SCARA5: variants seen among roughly 807,000 people sequenced by gnomAD.
The protein encoded by SCARA5 is scavenger receptor class A member 5.
Under a neutral mutation model 46.3 loss-of-function variants are expected in SCARA5, and 45 were observed. The observed-to-expected ratio is 0.97, with a 90% confidence interval of 0.76 to 1.24. The LOEUF is 1.24. Among genes scored for constraint, SCARA5 ranks in the 50% most tolerant of loss-of-function variants. The pLI, the probability that SCARA5 is intolerant of heterozygous loss-of-function variation, is 0.00. For missense variants in SCARA5, 680 were observed against 689.0 expected, an observed-to-expected ratio of 0.99 and a Z score of 0.15; for synonymous variants, 333 against 306.5, an observed-to-expected ratio of 1.09 and a Z score of -0.90.
At chr8:27,904,874 A>G (rs1420400480) in intron 6 of SCARA5, 40 bp from the exon 7 acceptor site, 9 of 1,502,840 alleles carry the variant, frequency 6.0e-6, no homozygotes, top group African/African-American at 1.4e-5. Flanking sequence ...AATGGAAAGA[A>G]ATCCTAATTG....
At chr8:27,875,202 C>A (rs751230426) in intron 8 of SCARA5, among the ~76,000 whole-genome samples, 5 of 89,800 alleles carry the variant, frequency 5.6e-5, no homozygotes, top group Non-Finnish European at 1.1e-4. Flanking sequence ...TCCCTTCACT[C>A]CTCCCTCCCT....
At position 27,921,626 on chromosome 8, in the gene SCARA5, C is replaced by A. The variant is rs771642179; in HGVS notation, c.861G>T (p.Leu287=). Residue 287 remains leucine (L), a synonymous_variant, in exon 4 of 9, where the codon CTG becomes CTT. Coordinates refer to ENST00000354914, the MANE Select transcript of SCARA5 (RefSeq NM_173833.6). Reference sequence around the variant, plus strand: ...TGGAGTGCTCCCAGTCCTTGAGGCGCAGGTCCTCGGTGACCGCGTTGAGCA... The same window carrying A: ...TGGAGTGCTCCCAGTCCTTGAGGCGAAGGTCCTCGGTGACCGCGTTGAGCA... ...LAMLNAVTED[L]RLKDWEHSIA... 2.5e-6 allele frequency: 4 copies of A among 1,598,556 alleles called. No individual in the cohort carries two copies. The highest frequency in any genetic ancestry group is 1.1e-5 in the South Asian group (1 of 88,930).
chr8:27,944,587 C>G (rs1462650054), intron 3 of SCARA5, among the ~76,000 whole-genome samples: 1 of 151,858 alleles, frequency 6.6e-6, no homozygotes, highest in Non-Finnish European at 1.5e-5. Flanking sequence ...TAAGACCAGG[C>G]ATGGTGGCTC....
At chr8:27,945,059 G>A (rs1277203873) in intron 3 of SCARA5, among the ~76,000 whole-genome samples, 1 of 152,088 alleles carries the variant, frequency 6.6e-6, no homozygotes, top group Non-Finnish European at 1.5e-5. Flanking sequence ...CAGCTACTCA[G>A]GAGGCTGAGG....
At chr8:27,955,336 C>T (rs1398355880) in intron 3 of SCARA5, among the ~76,000 whole-genome samples, 2 of 152,226 alleles carry the variant, frequency 1.3e-5, no homozygotes, top group East Asian at 3.8e-4. Flanking sequence ...CCCCCAGTTC[C>T]CTGCATCCCT....
At chr8:27,929,998 G>C (rs1017290303) in intron 3 of SCARA5, among the ~76,000 whole-genome samples, 2 of 152,190 alleles carry the variant, frequency 1.3e-5, no homozygotes, top group African/African-American at 4.8e-5. Context: ...AGCAATGGCA[G>C]AGTGCAAATT....
chr8:27,914,731 G>A (rs1341179726), intron 4 of SCARA5, among the ~76,000 whole-genome samples: 1 of 152,178 alleles, frequency 6.6e-6, no homozygotes, highest in Non-Finnish European at 1.5e-5. Flanking sequence ...GGGACAAGGA[G>A]GAGCAGGGTC....
At chr8:27,886,663 G>A (rs576209277) in intron 7 of SCARA5, among the ~76,000 whole-genome samples, 15 of 152,312 alleles carry the variant, frequency 9.8e-5, no homozygotes, top group East Asian at 3.9e-4. Context: ...CCCTCCAACA[G>A]TGACTACCCT....
chr8:27,891,953 C>T (rs1348371997), intron 7 of SCARA5, among the ~76,000 whole-genome samples: 3 of 152,224 alleles, frequency 2.0e-5, no homozygotes, highest in African/African-American at 4.8e-5. Context: ...GTGGTTAGAG[C>T]GTGGCTCTCA....
intron 7 of SCARA5, among the ~76,000 whole-genome samples, chr8:27,882,214 G>A (rs539737233): frequency 5.7e-4 from 87 of 152,228 alleles, no homozygotes; most frequent in African/African-American, 1.8e-3. Flanking sequence ...GTCTTTTCAT[G>A]GCTTCATAGC....
chr8:27,907,518 T>C (rs1359404982), intron 5 of SCARA5, among the ~76,000 whole-genome samples: 1 of 151,556 alleles, frequency 6.6e-6, no homozygotes, highest in Non-Finnish European at 1.5e-5. Flanking sequence ...TGCCTATTCC[T>C]TTGGGGGTGT....
intron 1 of SCARA5, among the ~76,000 whole-genome samples, chr8:27,989,413 C>A (rs181520000): frequency 6.6e-6 from 1 of 152,248 alleles, no homozygotes; most frequent in Non-Finnish European, 1.5e-5. Context: ...CAGGTGTGAG[C>A]CACTGCACCC....
intron 7 of SCARA5, among the ~76,000 whole-genome samples, chr8:27,880,830 G>T (rs1002416853): frequency 8.2e-6 from 1 of 122,666 alleles, no homozygotes; most frequent in African/African-American, 3.2e-5. Flanking sequence ...ACTCCAGCAT[G>T]CATGACAAAG....
chr8:27,908,815 G>C (rs1276083576), intron 5 of SCARA5, among the ~76,000 whole-genome samples: 2 of 152,172 alleles, frequency 1.3e-5, no homozygotes, highest in Non-Finnish European at 2.9e-5. Context: ...TTCCCTGAGA[G>C]GGGAGGGCCA....
chr8:27,906,792 T>G (rs960910629), intron 6 of SCARA5, among the ~76,000 whole-genome samples: 1 of 152,186 alleles, frequency 6.6e-6, no homozygotes, highest in Admixed American at 6.5e-5. Context: ...CTCCAACTCC[T>G]GGACTCAGGA....
In SCARA5 at chr8:27,966,476, T is replaced by C. The variant is rs1162483680; in HGVS notation, c.179A>G (p.His60Arg). Reference protein sequence around the residue: ...TQLGSLSALKHAVLGLYLLVF... With the variant: ...TQLGSLSALKRAVLGLYLLVF... ...CAGCAGGTAGAGCCCCAGGACAGCA[T>C]GCTTCAGGGCCGACAGGGACCCCAG... Residue 60 changes from histidine to arginine, a missense_variant, in exon 3 of 9, where the codon CAT (histidine) becomes CGT (arginine). This residue lies in a region of SCARA5 where 438 missense variants were observed against 384.5 expected (regional missense o/e 1.14). Transcript: ENST00000354914. 1.2e-6 allele frequency: 2 copies of C among 1,613,928 alleles called. No individual in the cohort carries two copies. The highest frequency in any genetic ancestry group is 2.2e-5 in the South Asian group (2 of 91,052).
In SCARA5 at chr8:27,921,641, C is replaced by T. The variant is rs769005886; in HGVS notation, c.846G>A (p.Ala282=). ...QLKQELAMLN[A]VTEDLRLKDW... is the part of the protein sequence containing the mutation. ...CCTTGAGGCGCAGGTCCTCGGTGAC[C>T]GCGTTGAGCATGGCCAGCTCCTGCT... Residue 282 remains alanine (A), a synonymous_variant, in exon 4 of 9, where the codon GCG becomes GCA. Transcript: ENST00000354914. 9 of 1,604,968 alleles carry T rather than the reference C, an allele frequency of 5.6e-6. No individual in the cohort carries two copies. In the East Asian group the frequency reaches 1.8e-4, roughly 32 times the overall value.
intron 4 of SCARA5, among the ~76,000 whole-genome samples, chr8:27,918,537 A>AG (rs1807505197): frequency 6.6e-6 from 1 of 151,032 alleles, no homozygotes; most frequent in Non-Finnish European, 1.5e-5. Context: ...GAAAAGGCAG[A>AG]GGAGGAAGAG....
At position 27,889,479 on chromosome 8, in the gene SCARA5, AT is replaced by A. The variant is rs577630685; in HGVS notation, c.1154-9714del. ...AGAGGTGACGTGCCTTACCCAAGTC[AT>A]CCCGTAGCTAGCAGAAGAGCTGGGG... On this transcript the variant is annotated intron_variant, in intron 7 of 8. Transcript: ENST00000354914. 1.6e-3 allele frequency among the ~76,000 whole-genome samples: 245 copies of A among 152,256 alleles called. 2 individuals carry two copies. The highest frequency in any genetic ancestry group is 5.7e-3 in the African/African-American group (235 of 41,562).
Sources: gnomAD v4.1 joint callset for allele counts (sites outside exome capture counted in the v4.1 genomes callset) on GRCh38, gnomAD v4.1.1 for gene constraint, gnomAD v4.1.1 regional missense constraint, MANE v1.5 for transcripts, NCBI Gene and HGNC (gene_info 2026-07-23, HGNC 2026-07-21) for gene names.